Variants in SPOCK1 observed in about 807,000 individuals in gnomAD.
The protein encoded by SPOCK1 is testican-1.
In SPOCK1, 23 loss-of-function variants were observed where a neutral mutation model predicts 55.3. The observed-to-expected ratio is 0.42, with a 90% CI of 0.30 to 0.59. SPOCK1 has a LOEUF of 0.59. Ranked by LOEUF, SPOCK1 falls within the 20% of genes least tolerant of loss-of-function variation. The pLI is 0.22. For missense variants in SPOCK1, 499 were observed against 552.5 expected (o/e 0.90, Z 0.97); for synonymous variants, 226 against 221.0 (o/e 1.02, Z -0.20).
intron 6 of SPOCK1, among the ~76,000 whole-genome samples, chr5:137,010,126 T>C (rs897273437): frequency 2.0e-5 from 3 of 151,950 alleles, no homozygotes; most frequent in Non-Finnish European, 4.4e-5. Context: ...CACAACCTGC[T>C]GTCTCTTTTG....
At chr5:137,492,829 C>A (rs1468885530) in intron 2 of SPOCK1, among the ~76,000 whole-genome samples, 1 of 152,218 alleles carries the variant, frequency 6.6e-6, no homozygotes, top group Non-Finnish European at 1.5e-5. Flanking sequence ...AGCCTTGCTG[C>A]AGCCCCTTCC....
At chr5:137,357,769 C>A (rs1207468824) in intron 2 of SPOCK1, among the ~76,000 whole-genome samples, 1 of 152,166 alleles carries the variant, frequency 6.6e-6, no homozygotes, top group Non-Finnish European at 1.5e-5. Flanking sequence ...CTCATACAAT[C>A]TTTGTGAAGT....
At chr5:137,434,348 C>T (rs1752810332) in intron 2 of SPOCK1, among the ~76,000 whole-genome samples, 1 of 152,100 alleles carries the variant, frequency 6.6e-6, no homozygotes, top group South Asian at 2.1e-4. Flanking sequence ...GATAGATCTG[C>T]AGGATAAATG....
chr5:137,037,302 C>A (rs912836621), intron 6 of SPOCK1, among the ~76,000 whole-genome samples: 21 of 150,818 alleles, frequency 1.4e-4, no homozygotes, highest in African/African-American at 5.1e-4. Context: ...AGGCACATAA[C>A]AATGTAGCCC....
intron 3 of SPOCK1, among the ~76,000 whole-genome samples, chr5:137,235,142 G>C (rs527270892): frequency 2.6e-5 from 4 of 152,296 alleles, no homozygotes; most frequent in African/African-American, 9.6e-5. Flanking sequence ...AAGATCTAGC[G>C]TCACTTTGTC....
intron 2 of SPOCK1, among the ~76,000 whole-genome samples, chr5:137,281,736 C>G (rs375238070): frequency 6.6e-6 from 1 of 152,182 alleles, no homozygotes; most frequent in Non-Finnish European, 1.5e-5. Context: ...ACACAAGTCA[C>G]AGCTAGAACT....
intron 3 of SPOCK1, among the ~76,000 whole-genome samples, chr5:137,203,580 C>A (rs543316536): frequency 1.5e-4 from 23 of 152,094 alleles, no homozygotes; most frequent in South Asian, 4.2e-4. Flanking sequence ...CACTTTTTTT[C>A]TTAGGATGAC....
At chr5:137,237,711 A>T (rs747246630) in intron 3 of SPOCK1, among the ~76,000 whole-genome samples, 7 of 152,246 alleles carry the variant, frequency 4.6e-5, no homozygotes, top group Non-Finnish European at 1.0e-4. Context: ...GAAGAAGAGG[A>T]TGCAGTCTCT....
chr5:137,032,031 CATAT>C (rs113446652), intron 6 of SPOCK1, among the ~76,000 whole-genome samples: 3 of 147,450 alleles, frequency 2.0e-5, no homozygotes, highest in Non-Finnish European at 4.5e-5. Context: ...ATATATTCCC[CATAT>C]ATATATAATA....
chr5:137,291,898 C>A (rs1253267154), intron 2 of SPOCK1, among the ~76,000 whole-genome samples: 4 of 152,218 alleles, frequency 2.6e-5, no homozygotes, highest in Non-Finnish European at 1.5e-5. Context: ...TTGGTAAAAA[C>A]CCTTCCTGTT....
Position 137,449,257 on chromosome 5 carries a change from C to T in SPOCK1, c.186+49116G>A, listed in dbSNP as rs114066530. Among the ~76,000 whole-genome samples, 1,084 of 152,340 alleles carry T rather than the reference C, an allele frequency of 7.1e-3. 10 individuals are homozygous for T. Among genetic ancestry groups the T allele is most frequent in the African/African-American group, 0.025 (1,025 of 41,572 alleles). On this transcript the variant is annotated intron_variant, in intron 2 of 10. Coordinates refer to ENST00000394945, the MANE Select transcript of SPOCK1 (RefSeq NM_004598.4). Reference sequence around the variant, plus strand: ...ACAAAAAGAGAGATAGTCTCCTTGACCAGACACAGGCAATCCTGGACCATG... The same window carrying T: ...ACAAAAAGAGAGATAGTCTCCTTGATCAGACACAGGCAATCCTGGACCATG...
At chr5:137,140,187 A>G (rs1754067762) in intron 4 of SPOCK1, among the ~76,000 whole-genome samples, 1 of 152,164 alleles carries the variant, frequency 6.6e-6, no homozygotes, top group African/African-American at 2.4e-5. Context: ...ACCTCGAAGA[A>G]TCATCACAGT....
intron 2 of SPOCK1, among the ~76,000 whole-genome samples, chr5:137,272,667 C>T (rs1756988483): frequency 6.6e-6 from 1 of 152,004 alleles, no homozygotes; most frequent in African/African-American, 2.4e-5. Flanking sequence ...TCGTGAGAAC[C>T]CTGTACAACA....
intron 6 of SPOCK1, among the ~76,000 whole-genome samples, chr5:137,063,187 T>C (rs986622108): frequency 4.8e-5 from 7 of 145,920 alleles, no homozygotes; most frequent in Non-Finnish European, 7.5e-5. Context: ...GAGCCGAGAT[T>C]GCGCCACTGC....
chr5:137,382,777 G>A (rs1212853223), intron 2 of SPOCK1, among the ~76,000 whole-genome samples: 2 of 152,060 alleles, frequency 1.3e-5, no homozygotes, highest in African/African-American at 2.4e-5. Context: ...GATTTCGGAG[G>A]GGACACAAAT....
chr5:137,050,596 G>C (rs574539866), intron 6 of SPOCK1, among the ~76,000 whole-genome samples: 1 of 151,880 alleles, frequency 6.6e-6, no homozygotes, highest in Non-Finnish European at 1.5e-5. Flanking sequence ...GAAATCACCC[G>C]TCTTCTGCGT....
intron 6 of SPOCK1, among the ~76,000 whole-genome samples, chr5:137,040,365 G>A (rs1176936838): frequency 1.3e-5 from 2 of 152,218 alleles, no homozygotes; most frequent in East Asian, 1.9e-4. Context: ...GCACTGCACT[G>A]TGGCTACAAA....
chr5:137,006,664 C>G (rs1465034661), intron 6 of SPOCK1, among the ~76,000 whole-genome samples: 1 of 152,196 alleles, frequency 6.6e-6, no homozygotes, highest in Non-Finnish European at 1.5e-5. Flanking sequence ...TTGACTTCTT[C>G]TCTTCCTATT....
chr5:137,180,611 T>C lies in SPOCK1; in HGVS notation c.233-39917A>G, dbSNP rs550378756. 2.6e-5 allele frequency among the ~76,000 whole-genome samples: 4 copies of C among 152,280 alleles called. No homozygotes were observed. The South Asian group carries it at 8.3e-4, about 32-fold the overall frequency. ...CTGTACCAGGGGGTCGTTTGATTCC[T>C]TGGGACAGTTCCGTTCACCACCCCA... On this transcript the variant is annotated intron_variant, in intron 3 of 10. Coordinates refer to ENST00000394945, the MANE Select transcript of SPOCK1 (RefSeq NM_004598.4).
Sources: gnomAD v4.1 joint callset for allele counts (sites outside exome capture counted in the v4.1 genomes callset) on GRCh38, gnomAD v4.1.1 for gene constraint, MANE v1.5 for transcripts, NCBI Gene and HGNC (gene_info 2026-07-23, HGNC 2026-07-21) for gene names.